Variants in MEI4 observed in about 807,000 individuals in gnomAD.
The protein encoded by MEI4 is meiotic double-stranded break formation protein 4, also known as meiosis-specific protein MEI4.
Under a neutral mutation model 31.4 loss-of-function variants are expected in MEI4, and 27 were observed. The ratio of observed to expected loss-of-function variants is 0.86; its 90% CI spans 0.63 to 1.19. The LOEUF is 1.19. MEI4 is among the 50% of genes most tolerant of loss of function. The pLI is 0.00. For synonymous variants in MEI4, 122 were observed against 145.4 expected (o/e 0.84, Z 1.16); for missense variants, 329 against 398.9 (o/e 0.82, Z 1.49).
At chr6:77,755,851 T>TGC (rs1554161628) in intron 2 of MEI4, among the ~76,000 whole-genome samples, 1,602 of 151,776 alleles carry the variant, frequency 0.011, 11 homozygotes, top group Middle Eastern at 0.02. Flanking sequence ...TGTGTGTGTG[T>TGC]GTGTATTTTA....
intron 2 of MEI4, among the ~76,000 whole-genome samples, chr6:77,692,659 G>C (rs1769179780): frequency 6.6e-6 from 1 of 152,020 alleles, no homozygotes; most frequent in Non-Finnish European, 1.5e-5. Flanking sequence ...GTGGTTAAGG[G>C]ACATAGCAGT....
chr6:77,790,501 C>G (rs568086444), intron 3 of MEI4, among the ~76,000 whole-genome samples: 9 of 151,770 alleles, frequency 5.9e-5, no homozygotes, highest in Non-Finnish European at 1.0e-4. Context: ...GTCTAAACTC[C>G]ACCACTATGC....
chr6:77,888,322 T>A (rs1032071768), intron 4 of MEI4, among the ~76,000 whole-genome samples: 1 of 138,932 alleles, frequency 7.2e-6, no homozygotes, highest in Non-Finnish European at 1.5e-5. Context: ...AATTTTTTTG[T>A]ATATCCTTTT....
rs530036244 is a variant in MEI4 at position 77,752,955 on chromosome 6, A to G, written c.233-8175A>G. On this transcript the variant is annotated intron_variant, in intron 2 of 4. Transcript: ENST00000684080. ...TCCTCAGAAATAACGCCACGCATCT[A>G]TAACCATTGGATCTTTGACAAACCT... Among the ~76,000 whole-genome samples the G allele has an allele frequency of 9.2e-5, 14 of 152,344 alleles. No homozygotes were observed. In the Middle Eastern group the frequency reaches 0.01, roughly 111 times the overall value.
intron 4 of MEI4, among the ~76,000 whole-genome samples, chr6:77,858,861 A>G (rs1770799234): frequency 6.6e-6 from 1 of 150,768 alleles, no homozygotes; most frequent in Non-Finnish European, 1.5e-5. Flanking sequence ...GGCACCTTTA[A>G]TGGAAAAAAA....
chr6:77,775,841 G>T (rs2127688263), intron 3 of MEI4, among the ~76,000 whole-genome samples: 1 of 152,146 alleles, frequency 6.6e-6, no homozygotes, highest in South Asian at 2.1e-4. Flanking sequence ...TCTTTTAACT[G>T]CATCCATGCC....
intron 3 of MEI4, among the ~76,000 whole-genome samples, chr6:77,781,586 T>A (rs1236660745): frequency 5.9e-5 from 9 of 152,220 alleles, no homozygotes; most frequent in Admixed American, 5.9e-4. Flanking sequence ...ATATTTTGAT[T>A]CTAATTTCTC....
chr6:77,771,194 A>G (rs1426145011), intron 3 of MEI4, among the ~76,000 whole-genome samples: 1 of 152,138 alleles, frequency 6.6e-6, no homozygotes, highest in Non-Finnish European at 1.5e-5. Flanking sequence ...AAAATGCTCA[A>G]CATTACTAAT....
At chr6:77,852,916 G>T (rs6899419) in intron 4 of MEI4, among the ~76,000 whole-genome samples, 7,284 of 152,150 alleles carry the variant, frequency 0.048, 438 homozygotes, top group African/African-American at 0.14. Flanking sequence ...GACAGATTAG[G>T]CCGGGTGTGG....
In MEI4 at chr6:77,920,267, C is replaced by T. The variant is rs1216110970; in HGVS notation, c.901-2822C>T. Among the ~76,000 whole-genome samples the T allele has an allele frequency of 4.6e-5, 7 of 152,026 alleles. No individual in the cohort carries two copies. The East Asian group carries it at 7.8e-4, about 17-fold the overall frequency. On this transcript the variant is annotated intron_variant, in intron 4 of 4. Transcript: ENST00000684080. ...AATCCTCAACAAAATTCTGGCAAAT[C>T]GAATCCAGCAGCACATCAAAAAGCT...
intron 4 of MEI4, among the ~76,000 whole-genome samples, chr6:77,881,910 T>C (rs1771499654): frequency 6.6e-6 from 1 of 152,210 alleles, no homozygotes; most frequent in Non-Finnish European, 1.5e-5. Flanking sequence ...CACATTAGTG[T>C]ATTCCAATTC....
At chr6:77,889,322 A>G (rs1233661447) in intron 4 of MEI4, among the ~76,000 whole-genome samples, 1 of 152,156 alleles carries the variant, frequency 6.6e-6, no homozygotes, top group East Asian at 1.9e-4. Flanking sequence ...AATGATATAG[A>G]CATGAAGTCC....
chr6:77,841,796 A>C (rs1429987401), intron 4 of MEI4, among the ~76,000 whole-genome samples: 3 of 152,196 alleles, frequency 2.0e-5, no homozygotes, highest in African/African-American at 7.2e-5. Context: ...TGACTGTGTT[A>C]ATATTAGCAA....
Position 77,894,212 on chromosome 6 carries a change from A to T in MEI4, c.901-28877A>T, listed in dbSNP as rs1315857654. Among the ~76,000 whole-genome samples, 25 of 151,822 alleles carry T rather than the reference A, an allele frequency of 1.6e-4. 1 individual carries two copies. Among genetic ancestry groups the T allele is most frequent in the Non-Finnish European group, 7.4e-5 (5 of 67,998 alleles). ...TTAAATAATATCATATACTTGTATGATTACTTTTTCTTTATGCAGAAATTT... is the reference window on the plus strand; with the variant it reads ...TTAAATAATATCATATACTTGTATGTTTACTTTTTCTTTATGCAGAAATTT... On this transcript the variant is annotated intron_variant, in intron 4 of 4. Coordinates refer to ENST00000684080, the MANE Select transcript of MEI4 (RefSeq NM_001322247.2).
intron 3 of MEI4, among the ~76,000 whole-genome samples, chr6:77,797,107 T>A (rs940151943): frequency 6.6e-6 from 1 of 152,212 alleles, no homozygotes; most frequent in Non-Finnish European, 1.5e-5. Context: ...GTCTCTTTAA[T>A]AAACGGTGTT....
chr6:77,791,994 C>CT (rs1480459309), intron 3 of MEI4, among the ~76,000 whole-genome samples: 2 of 152,206 alleles, frequency 1.3e-5, no homozygotes, highest in African/African-American at 4.8e-5. Flanking sequence ...CTCTTTACTG[C>CT]TATGAGTTCA....
chr6:77,883,717 G>GATAGATATATATATATATATATAT (rs1554172067), intron 4 of MEI4, among the ~76,000 whole-genome samples: 10 of 43,320 alleles, frequency 2.3e-4, no homozygotes, highest in African/African-American at 9.4e-4. Flanking sequence ...TATTATGTAA[G>GATAGATATATATATATATATATAT]ATATATATAT....
chr6:77,760,113 AT>A (rs1768008290), intron 2 of MEI4, among the ~76,000 whole-genome samples: 1 of 152,106 alleles, frequency 6.6e-6, no homozygotes, highest in African/African-American at 2.4e-5. Context: ...TAAATGCAGT[AT>A]TTTTCAGCCA....
At chr6:77,804,722 A>C (rs1217564349) in intron 3 of MEI4, among the ~76,000 whole-genome samples, 1 of 152,178 alleles carries the variant, frequency 6.6e-6, no homozygotes, top group Non-Finnish European at 1.5e-5. Context: ...GAAAAATGAA[A>C]ATATCTACGT....
Sources: allele counts gnomAD v4.1 joint callset (sites outside exome capture counted in the v4.1 genomes callset), GRCh38; gene constraint gnomAD v4.1.1; transcripts MANE v1.5; gene names NCBI Gene and HGNC (gene_info 2026-07-23, HGNC 2026-07-21).